HS6ST3: variants seen among roughly 807,000 people sequenced by gnomAD.
HS6ST3 encodes the protein heparan sulfate 6-O-sulfotransferase 3, also known as heparan-sulfate 6-O-sulfotransferase 3.
In HS6ST3, 12 loss-of-function variants were observed where a neutral mutation model predicts 36.7. The ratio of observed to expected loss-of-function variants is 0.33; its 90% CI spans 0.21 to 0.53. The LOEUF is 0.53. Among genes scored for constraint, HS6ST3 ranks in the 20% least tolerant of loss-of-function variants. The pLI is 0.95. For synonymous variants in HS6ST3, 240 were observed against 257.5 expected (o/e 0.93, Z 0.65); for missense variants, 584 against 640.9 (o/e 0.91, Z 0.96).
intron 1 of HS6ST3, among the ~76,000 whole-genome samples, chr13:96,124,131 G>A (rs1315508593): frequency 6.6e-6 from 1 of 152,180 alleles, no homozygotes; most frequent in Non-Finnish European, 1.5e-5. Context: ...ATATTAAAAA[G>A]AAGAGAAAGT....
chr13:96,200,950 G>T (rs2054338730), intron 1 of HS6ST3, among the ~76,000 whole-genome samples: 1 of 152,218 alleles, frequency 6.6e-6, no homozygotes, highest in Admixed American at 6.5e-5. Context: ...ACAGAGCCCA[G>T]GCTAGAAAAC....
At chr13:96,456,430 A>T (rs1286690383) in intron 1 of HS6ST3, among the ~76,000 whole-genome samples, 3 of 152,150 alleles carry the variant, frequency 2.0e-5, no homozygotes, top group Admixed American at 6.5e-5. Flanking sequence ...TACCCCAATT[A>T]CATGAATTAC....
At chr13:96,434,206 G>C (rs1482635859) in intron 1 of HS6ST3, among the ~76,000 whole-genome samples, 1 of 152,124 alleles carries the variant, frequency 6.6e-6, no homozygotes, top group East Asian at 1.9e-4. Context: ...TGTTATGGCA[G>C]CCCTCACAGA....
chr13:96,813,656 G>A (rs553193537), intron 1 of HS6ST3, among the ~76,000 whole-genome samples: 1 of 152,284 alleles, frequency 6.6e-6, no homozygotes, highest in Non-Finnish European at 1.5e-5. Context: ...CACTCTGTAA[G>A]GCTTTTGAAC....
intron 1 of HS6ST3, among the ~76,000 whole-genome samples, chr13:96,516,071 T>A (rs1459536420): frequency 6.6e-6 from 1 of 152,000 alleles, no homozygotes; most frequent in Non-Finnish European, 1.5e-5. Context: ...AACTTTTTTT[T>A]TTTTTTTTGA....
intron 1 of HS6ST3, among the ~76,000 whole-genome samples, chr13:96,493,461 C>G (rs1405656782): frequency 2.0e-5 from 3 of 152,102 alleles, no homozygotes; most frequent in Admixed American, 2.0e-4. Context: ...TAAAGTGGCT[C>G]ATTATTATAT....
intron 1 of HS6ST3, among the ~76,000 whole-genome samples, chr13:96,626,945 T>A (rs2056514701): frequency 6.6e-6 from 1 of 152,148 alleles, no homozygotes; most frequent in African/African-American, 2.4e-5. Flanking sequence ...TAACACTTTA[T>A]CAGTAACTTT....
At chr13:96,266,911 A>G (rs1427744957) in intron 1 of HS6ST3, among the ~76,000 whole-genome samples, 1 of 152,104 alleles carries the variant, frequency 6.6e-6, no homozygotes, top group Non-Finnish European at 1.5e-5. Context: ...TGTTCTAACC[A>G]TTTCTGAAAG....
intron 1 of HS6ST3, among the ~76,000 whole-genome samples, chr13:96,653,970 AT>A (rs2056616027): frequency 6.7e-6 from 1 of 150,136 alleles, no homozygotes; most frequent in Non-Finnish European, 1.5e-5. Flanking sequence ...GATGGTGAGC[AT>A]TTTTTCATAT....
intron 1 of HS6ST3, among the ~76,000 whole-genome samples, chr13:96,762,190 A>G (rs1405701868): frequency 6.6e-6 from 1 of 152,134 alleles, no homozygotes; most frequent in Non-Finnish European, 1.5e-5. Context: ...AAATGCTATA[A>G]ATATTGGCTG....
intron 1 of HS6ST3, among the ~76,000 whole-genome samples, chr13:96,200,136 C>T (rs1398417342): frequency 6.6e-6 from 1 of 152,094 alleles, no homozygotes; most frequent in African/African-American, 2.4e-5. Flanking sequence ...AGCTGTGTGC[C>T]CCAATATTTC....
chr13:96,439,773 G>A (rs1242124178), intron 1 of HS6ST3, among the ~76,000 whole-genome samples: 2 of 152,194 alleles, frequency 1.3e-5, no homozygotes, highest in African/African-American at 4.8e-5. Context: ...AGGGTTGTGT[G>A]GTTAACCAGA....
chr13:96,227,810 A>G (rs2054488243), intron 1 of HS6ST3, among the ~76,000 whole-genome samples: 3 of 152,168 alleles, frequency 2.0e-5, no homozygotes, highest in Admixed American at 2.0e-4. Flanking sequence ...CTTCTTCATG[A>G]TTGTTGGTGC....
At chr13:96,783,759 A>G (rs1877578303) in intron 1 of HS6ST3, among the ~76,000 whole-genome samples, 2 of 152,072 alleles carry the variant, frequency 1.3e-5, no homozygotes, top group Admixed American at 1.3e-4. Flanking sequence ...AGATAGGAAG[A>G]TAAGATGTGA....
At chr13:96,294,945 C>T (rs190488088) in intron 1 of HS6ST3, among the ~76,000 whole-genome samples, 2 of 151,974 alleles carry the variant, frequency 1.3e-5, no homozygotes, top group African/African-American at 4.8e-5. Context: ...TGCTATAATT[C>T]TCTATAATTT....
chr13:96,451,988 G>A (rs1479255562), intron 1 of HS6ST3, among the ~76,000 whole-genome samples: 14 of 152,092 alleles, frequency 9.2e-5, no homozygotes. Context: ...TTTTACCTCT[G>A]TTGAATTGGC....
chr13:96,765,111 C>G lies in HS6ST3; in HGVS notation c.708-67379C>G, dbSNP rs375031607. ...AGACGGAGTCTCGCTCTGTCGCCCA[C>G]GCCGGACTGCGGACTGCAGTGGCGC... On this transcript the variant is annotated intron_variant, in intron 1 of 1. Transcript: ENST00000376705. 2.2e-3 allele frequency among the ~76,000 whole-genome samples: 318 copies of G among 146,080 alleles called. 2 individuals carry two copies. Among genetic ancestry groups the G allele is most frequent in the East Asian group, 0.011 (54 of 4,916 alleles).
chr13:96,592,462 A>G (rs974977424), intron 1 of HS6ST3, among the ~76,000 whole-genome samples: 6 of 152,112 alleles, frequency 3.9e-5, no homozygotes, highest in African/African-American at 1.4e-4. Context: ...CCACAATTAC[A>G]GTGTTATGAT....
chr13:96,366,090 G>A (rs2055261193), intron 1 of HS6ST3, among the ~76,000 whole-genome samples: 1 of 152,164 alleles, frequency 6.6e-6, no homozygotes, highest in South Asian at 2.1e-4. Flanking sequence ...TAAAGGATTA[G>A]AAGATGTTGA....
Sources: gnomAD v4.1 joint callset for allele counts (sites outside exome capture counted in the v4.1 genomes callset) on GRCh38, gnomAD v4.1.1 for gene constraint, MANE v1.5 for transcripts, NCBI Gene and HGNC (gene_info 2026-07-23, HGNC 2026-07-21) for gene names.